Variants in PCBP3 observed in about 807,000 individuals in gnomAD.
The protein encoded by PCBP3 is poly(rC)-binding protein 3.
In PCBP3, 25 loss-of-function variants were observed where a neutral mutation model predicts 52.7. The ratio of observed to expected loss-of-function variants is 0.47; its 90% CI spans 0.35 to 0.66. The LOEUF (loss-of-function observed/expected upper bound fraction) is 0.66. Among genes scored for constraint, PCBP3 ranks in the 30% least tolerant of loss-of-function variants. PCBP3 has a pLI of 0.01. For synonymous variants in PCBP3, 162 were observed against 183.0 expected, an observed-to-expected ratio of 0.89 and a Z score of 0.93; for missense variants, 391 against 490.3, an observed-to-expected ratio of 0.80 and a Z score of 1.91.
intron 4 of PCBP3, among the ~76,000 whole-genome samples, chr21:45,815,549 ATGAGTG>A (rs2092895740): frequency 9.8e-5 from 1 of 10,204 alleles, no homozygotes; most frequent in Non-Finnish European, 1.7e-4. Context: ...GTAGTGAGTG[ATGAGTG>A]GTGAGTGGTG....
At chr21:45,856,806 C>T (rs1478487548) in intron 5 of PCBP3, among the ~76,000 whole-genome samples, 2 of 152,192 alleles carry the variant, frequency 1.3e-5, no homozygotes, top group Non-Finnish European at 2.9e-5. Flanking sequence ...TGGTTTTATT[C>T]ACTTTAGGGA....
At chr21:45,687,152 C>T (rs2082201406) in intron 2 of PCBP3, among the ~76,000 whole-genome samples, 3 of 151,858 alleles carry the variant, frequency 2.0e-5, no homozygotes, top group Non-Finnish European at 4.4e-5. Context: ...TTCTCATCAG[C>T]AATTAGCCAA....
chr21:45,776,763 A>G (rs1415642400), intron 4 of PCBP3, among the ~76,000 whole-genome samples: 2 of 152,124 alleles, frequency 1.3e-5, no homozygotes, highest in African/African-American at 4.8e-5. Context: ...TTTACTGACA[A>G]GGCTAGTTTC....
chr21:45,695,169 T>C (rs1287402545), intron 2 of PCBP3, among the ~76,000 whole-genome samples: 2 of 152,192 alleles, frequency 1.3e-5, no homozygotes, highest in African/African-American at 2.4e-5. Flanking sequence ...AGTTATCTGT[T>C]ATTACCTCTT....
intron 4 of PCBP3, among the ~76,000 whole-genome samples, chr21:45,803,007 G>C (rs1212363900): frequency 1.3e-5 from 2 of 152,224 alleles, no homozygotes; most frequent in Non-Finnish European, 2.9e-5. Context: ...GCATTGTACA[G>C]TCATAATTTG....
chr21:45,862,046 T>C (rs757350414), intron 5 of PCBP3, among the ~76,000 whole-genome samples: 16 of 152,082 alleles, frequency 1.1e-4, no homozygotes, highest in East Asian at 1.9e-4. Flanking sequence ...GTGGATGGGA[T>C]GTAAGGGTAA....
At chr21:45,863,472 C>T (rs2094585550) in intron 5 of PCBP3, among the ~76,000 whole-genome samples, 1 of 152,194 alleles carries the variant, frequency 6.6e-6, no homozygotes, top group African/African-American at 2.4e-5. Flanking sequence ...TTGAGTCGCC[C>T]CTGTTGGGGG....
At chr21:45,826,070 C>T (rs947201759) in intron 4 of PCBP3, among the ~76,000 whole-genome samples, 1 of 152,040 alleles carries the variant, frequency 6.6e-6, no homozygotes, top group African/African-American at 2.4e-5. Flanking sequence ...ACCAGCATGG[C>T]CAACATGGAG....
Position 45,725,569 on chromosome 21 carries a change from C to T in PCBP3, c.-199-9823C>T, listed in dbSNP as rs376034516. On this transcript the variant is annotated intron_variant, in intron 2 of 17. Coordinates refer to ENST00000681687, the MANE Select transcript of PCBP3 (RefSeq NM_001384156.1). ...AGCCTCTGCTGGGGGCCTGCCTCCACAGTGCTCTTCCCGGTCTCAGAGTGG... is the reference window on the plus strand; with the variant it reads ...AGCCTCTGCTGGGGGCCTGCCTCCATAGTGCTCTTCCCGGTCTCAGAGTGG... Among the ~76,000 whole-genome samples the T allele has an allele frequency of 2.0e-5, 3 of 152,214 alleles. No individual in the cohort carries two copies. In the East Asian group the frequency reaches 5.8e-4, roughly 29 times the overall value.
At chr21:45,836,419 T>C (rs900399381) in intron 4 of PCBP3, 4 of 151,996 alleles carry the variant, frequency 2.6e-5, no homozygotes. Context: ...CTGCTGGTCA[T>C]GCCTTCCTGC....
rs555614593 is a variant in PCBP3, at chr21:45,928,736, T to G, written c.718-1181T>G. Among the ~76,000 whole-genome samples the G allele has an allele frequency of 6.6e-6, 1 of 152,280 alleles. No individual in the cohort carries two copies. The highest frequency in any genetic ancestry group is 1.5e-5 in the Non-Finnish European group (1 of 68,000). ...GGCAGCTTCTGCCACCCATACCCTGTGCAGTGAGGAAGCTGAGGTGCCTGC... is the reference window on the plus strand; with the variant it reads ...GGCAGCTTCTGCCACCCATACCCTGGGCAGTGAGGAAGCTGAGGTGCCTGC... On this transcript the variant is annotated intron_variant, in intron 13 of 17. Coordinates refer to ENST00000681687, the MANE Select transcript of PCBP3 (RefSeq NM_001384156.1). This position sits in a 1 kb window ranked among gnomAD's most constrained non-coding sequence, Gnocchi z 4.1.
At chr21:45,658,277 ATATTGG>A (rs1215603347) in intron 1 of PCBP3, among the ~76,000 whole-genome samples, 3 of 151,992 alleles carry the variant, frequency 2.0e-5, no homozygotes, top group Non-Finnish European at 4.4e-5. Flanking sequence ...TCCTTTTTAT[ATATTGG>A]TGGATTCGGT....
chr21:45,656,264 C>T lies in PCBP3; in HGVS notation c.-279+12396C>T, dbSNP rs146545934. On this transcript the variant is annotated intron_variant, in intron 1 of 17. Coordinates refer to ENST00000681687, the MANE Select transcript of PCBP3 (RefSeq NM_001384156.1). This position sits in a 1 kb window ranked among gnomAD's most constrained non-coding sequence, Gnocchi z 4.3. ...CACCCAAATGCCCATCAGTGATAGA[C>T]TGGATAAAGAAAATGTGGCACATAT... Among the ~76,000 whole-genome samples, 459 of 152,276 alleles carry T rather than the reference C, an allele frequency of 3.0e-3. 5 individuals carry two copies. The East Asian group carries it at 0.032, about 11-fold the overall frequency.
At chr21:45,721,412 C>CAAAAAA in intron 2 of PCBP3, among the ~76,000 whole-genome samples, 1 of 95,110 alleles carries the variant, frequency 1.1e-5, no homozygotes, top group Admixed American at 1.1e-4. Flanking sequence ...GACTCCATCT[C>CAAAAAA]AAAAAAAAAA....
chr21:45,926,371 A>G (rs2075409219), intron 13 of PCBP3, among the ~76,000 whole-genome samples: 1 of 152,240 alleles, frequency 6.6e-6, no homozygotes, highest in Non-Finnish European at 1.5e-5. Flanking sequence ...TTTGTGTATT[A>G]CTATGCTTTT....
At chr21:45,902,958 A>G (rs182390161) in intron 9 of PCBP3, among the ~76,000 whole-genome samples, 191 of 152,344 alleles carry the variant, frequency 1.3e-3, no homozygotes, top group East Asian at 3.9e-4. Flanking sequence ...ACACTCAGTC[A>G]TCCCTTCCAC....
rs557969911 is a variant in PCBP3 at position 45,924,834 on chromosome 21, A to G, written c.718-5083A>G. Among the ~76,000 whole-genome samples the G allele has an allele frequency of 2.5e-4, 11 of 44,390 alleles. 1 individual carries two copies. The highest frequency in any genetic ancestry group is 1.3e-3 in the South Asian group (2 of 1,504). 29.1% of individuals were successfully genotyped at this position (44,390 alleles called of 152,430 possible). A position where few individuals can be genotyped will look rare whatever the true frequency, so the allele number is the denominator to read the frequency against. On this transcript the variant is annotated intron_variant, in intron 13 of 17. Transcript: ENST00000681687. ...GTGAGGAGATGCGAACACCGGGAAC[A>G]GTCGTGTGGGTAGAAACAGCACACG...
chr21:45,909,255 TG>T, intron 9 of PCBP3, 99 bp from the exon 10 acceptor site: 1 of 1,288,706 alleles, frequency 7.8e-7, no homozygotes, highest in Non-Finnish European at 1.1e-6. Context: ...AGGGGCTCTG[TG>T]GGCTTCTGAG....
chr21:45,848,623 C>T (rs1403741200), intron 4 of PCBP3, among the ~76,000 whole-genome samples: 1 of 152,112 alleles, frequency 6.6e-6, no homozygotes, highest in Non-Finnish European at 1.5e-5. Context: ...GTGTCATTCT[C>T]TTTCATTTCT....
Sources: allele counts gnomAD v4.1 joint callset (sites outside exome capture counted in the v4.1 genomes callset), GRCh38; gene constraint gnomAD v4.1.1; non-coding constraint Gnocchi (gnomAD v3.1); transcripts MANE v1.5; gene names NCBI Gene and HGNC (gene_info 2026-07-23, HGNC 2026-07-21).